TMEM232: variants seen among roughly 807,000 people sequenced by gnomAD.
TMEM232 encodes transmembrane protein 232.
In TMEM232, 80 loss-of-function variants were observed where a neutral mutation model predicts 78.8. That is an observed-to-expected ratio of 1.01 (90% CI 0.85 to 1.22). The LOEUF (loss-of-function observed/expected upper bound fraction) is 1.22. TMEM232 is among the 50% of genes most tolerant of loss of function. TMEM232 has a pLI of 0.00. For synonymous variants in TMEM232, 297 were observed against 254.3 expected, an observed-to-expected ratio of 1.17 and a Z score of -1.60; for missense variants, 881 against 742.2, an observed-to-expected ratio of 1.19 and a Z score of -2.17.
At chr5:110,629,566 CT>C (rs1784856807) in intron 5 of TMEM232, among the ~76,000 whole-genome samples, 1 of 152,010 alleles carries the variant, frequency 6.6e-6, no homozygotes, top group African/African-American at 2.4e-5. Context: ...TTAATTTCTG[CT>C]TGTCAGTTTC....
rs771437058 is a variant in TMEM232 at position 110,420,757 on chromosome 5, C to A, written c.1798-1G>T. The A allele has an allele frequency of 1.3e-6, 2 of 1,516,164 alleles. No homozygotes were observed. The highest frequency in any genetic ancestry group is 2.5e-5 in the South Asian group (2 of 79,116). 93.9% of individuals were successfully genotyped at this position (1,516,164 alleles called of 1,614,324 possible). ...CTCGGATCTTTAGCTCTTCCTGCCA[C>A]TGTTACAGAGAGAAAACGTCATTCA... is the stretch of plus-strand genomic sequence containing the variant. On this transcript the variant is annotated splice_acceptor_variant, in intron 13 of 13. Coordinates refer to ENST00000455884, the MANE Select transcript of TMEM232 (RefSeq NM_001039763.4). LOFTEE classifies it high-confidence loss of function.
At chr5:110,500,581 A>G (rs866761710) in intron 12 of TMEM232, among the ~76,000 whole-genome samples, 3 of 152,170 alleles carry the variant, frequency 2.0e-5, no homozygotes, top group African/African-American at 7.2e-5. Flanking sequence ...GAGGAAATGA[A>G]TAAGTTTTTA....
At chr5:110,699,064 ACAAAACAAAAC>A (rs1385159368) in intron 1 of TMEM232, among the ~76,000 whole-genome samples, 1 of 149,546 alleles carries the variant, frequency 6.7e-6, no homozygotes, top group Non-Finnish European at 1.5e-5. Context: ...ACAAAACAAA[ACAAAACAAAAC>A]AAAAACAAAC....
intron 1 of TMEM232, among the ~76,000 whole-genome samples, chr5:110,723,635 G>A (rs1448771640): frequency 1.3e-5 from 2 of 152,060 alleles, no homozygotes; most frequent in East Asian, 3.9e-4. Context: ...TATACTCCTA[G>A]GGACTGCTAT....
chr5:110,555,591 T>C (rs910722848), intron 11 of TMEM232, among the ~76,000 whole-genome samples: 1 of 152,192 alleles, frequency 6.6e-6, no homozygotes, highest in African/African-American at 2.4e-5. Flanking sequence ...TCTCTGTCAG[T>C]GGAGTGTTGA....
intron 5 of TMEM232, among the ~76,000 whole-genome samples, chr5:110,635,260 TGAAAAAC>T: frequency 6.6e-6 from 1 of 151,812 alleles, no homozygotes; most frequent in South Asian, 2.1e-4. Context: ...AAATAGATAA[TGAAAAAC>T]TAATACCAAC....
At chr5:110,679,834 T>C (rs1212211917) in intron 1 of TMEM232, among the ~76,000 whole-genome samples, 3 of 152,114 alleles carry the variant, frequency 2.0e-5, no homozygotes, top group Non-Finnish European at 4.4e-5. Flanking sequence ...AGCAATTTTA[T>C]GTCTGTTGGT....
intron 5 of TMEM232, among the ~76,000 whole-genome samples, chr5:110,636,262 A>C (rs1785814815): frequency 6.6e-6 from 1 of 151,940 alleles, no homozygotes; most frequent in African/African-American, 2.4e-5. Context: ...AGAGACTAAA[A>C]AGGGTGGGTA....
chr5:110,723,957 C>A (rs911319936), intron 1 of TMEM232, among the ~76,000 whole-genome samples: 1 of 152,098 alleles, frequency 6.6e-6, no homozygotes, highest in Admixed American at 6.6e-5. Context: ...AAACCACATA[C>A]AAAGATGATG....
upstream of TMEM232, chr5:110,726,928 T>C (rs1028077348): frequency 1.3e-5 from 2 of 152,214 alleles, no homozygotes; most frequent in African/African-American, 4.8e-5. Flanking sequence ...GGCTTCACAG[T>C]GCTTTAATGT....
intron 1 of TMEM232, among the ~76,000 whole-genome samples, chr5:110,680,345 C>G (rs1792566313): frequency 7.5e-6 from 1 of 133,380 alleles, no homozygotes; most frequent in Admixed American, 8.7e-5. Context: ...TGCGGTGAGC[C>G]AATGCTGTGC....
chr5:110,509,318 C>G (rs1013676233), intron 12 of TMEM232, among the ~76,000 whole-genome samples: 1 of 151,892 alleles, frequency 6.6e-6, no homozygotes, highest in African/African-American at 2.4e-5. Context: ...GCCTGTACTC[C>G]TAGCTACTCA....
At chr5:110,717,015 A>G (rs1273215339) in intron 1 of TMEM232, among the ~76,000 whole-genome samples, 3 of 152,262 alleles carry the variant, frequency 2.0e-5, no homozygotes, top group Admixed American at 6.5e-5. Context: ...GGATAATCAG[A>G]GTATTTCTAG....
At chr5:110,581,397 A>G (rs991545644) in intron 10 of TMEM232, among the ~76,000 whole-genome samples, 3 of 151,972 alleles carry the variant, frequency 2.0e-5, no homozygotes, top group African/African-American at 7.2e-5. Flanking sequence ...GACAAAGTCA[A>G]CAATAACAAG....
chr5:110,596,763 C>A (rs1364334661), intron 10 of TMEM232, among the ~76,000 whole-genome samples: 1 of 152,150 alleles, frequency 6.6e-6, no homozygotes, highest in Non-Finnish European at 1.5e-5. Flanking sequence ...AAGACAAAAA[C>A]CACACGATTA....
chr5:110,402,131 T>A (rs1755623752), intron 2 of TMEM232, among the ~76,000 whole-genome samples: 1 of 152,074 alleles, frequency 6.6e-6, no homozygotes, highest in South Asian at 2.1e-4. Context: ...GTGAGAAGTA[T>A]CCCAGATGAC....
chr5:110,391,699 A>C (rs756431196), intron 3 of TMEM232, among the ~76,000 whole-genome samples: 1 of 152,198 alleles, frequency 6.6e-6, no homozygotes, highest in Non-Finnish European at 1.5e-5. Flanking sequence ...TAAAAATAGA[A>C]TCTATTGATT....
chr5:110,669,931 A>C (rs1476955124), intron 1 of TMEM232, among the ~76,000 whole-genome samples: 1 of 152,088 alleles, frequency 6.6e-6, no homozygotes, highest in African/African-American at 2.4e-5. Flanking sequence ...AAATTCAACA[A>C]CCCTTCATGC....
chr5:110,541,416 G>A (rs928366711), intron 11 of TMEM232, among the ~76,000 whole-genome samples: 5 of 152,114 alleles, frequency 3.3e-5, no homozygotes, highest in Admixed American at 2.6e-4. Flanking sequence ...TTGGGTCAAA[G>A]TTTACTCTAA....
Sources: gnomAD v4.1 joint callset for allele counts (sites outside exome capture counted in the v4.1 genomes callset) on GRCh38, gnomAD v4.1.1 for gene constraint, MANE v1.5 for transcripts, NCBI Gene and HGNC (gene_info 2026-07-23, HGNC 2026-07-21) for gene names.